ZBTB7C: variants seen among roughly 807,000 people sequenced by gnomAD.
The protein encoded by ZBTB7C is zinc finger and BTB domain-containing protein 7C.
ZBTB7C carries 8 observed loss-of-function variants against 25.7 expected under a neutral mutation model. The observed-to-expected ratio is 0.31, with a 90% confidence interval of 0.18 to 0.56. The LOEUF is 0.56. Ranked by LOEUF, ZBTB7C falls within the 20% of genes least tolerant of loss-of-function variation. The pLI is 0.91. For synonymous variants in ZBTB7C, 394 were observed against 369.0 expected, an observed-to-expected ratio of 1.07 and a Z score of -0.78; for missense variants, 824 against 855.2, an observed-to-expected ratio of 0.96 and a Z score of 0.46.
intron 3 of ZBTB7C, among the ~76,000 whole-genome samples, chr18:48,128,662 C>T (rs557539792): frequency 1.1e-3 from 162 of 151,860 alleles, no homozygotes; most frequent in Non-Finnish European, 1.8e-3. Flanking sequence ...GATGGGTACG[C>T]AAAGGCATAC....
chr18:48,258,207 A>C (rs1016963529), intron 2 of ZBTB7C, among the ~76,000 whole-genome samples: 1 of 152,224 alleles, frequency 6.6e-6, no homozygotes, highest in African/African-American at 2.4e-5. Flanking sequence ...ACTCCTATTC[A>C]ACATTGTCCT....
intron 1 of ZBTB7C, among the ~76,000 whole-genome samples, chr18:48,393,222 GC>G: frequency 6.6e-6 from 1 of 150,492 alleles, no homozygotes; most frequent in East Asian, 2.0e-4. Context: ...GAGTATGGCT[GC>G]CCCCCAATAT....
intron 1 of ZBTB7C, among the ~76,000 whole-genome samples, chr18:48,393,077 C>T (rs576981600): frequency 9.2e-5 from 14 of 152,304 alleles, no homozygotes; most frequent in Non-Finnish European, 1.9e-4. Context: ...ATGCTGATAA[C>T]TATGCTTTTT....
chr18:48,210,631 G>A (rs769423526), intron 2 of ZBTB7C, among the ~76,000 whole-genome samples: 10 of 151,582 alleles, frequency 6.6e-5, no homozygotes, highest in African/African-American at 1.2e-4. Flanking sequence ...GAGACAGAAG[G>A]CAGATTAAGT....
chr18:48,399,015 T>C (rs986172976), intron 1 of ZBTB7C, among the ~76,000 whole-genome samples: 1 of 152,212 alleles, frequency 6.6e-6, no homozygotes, highest in Admixed American at 6.5e-5. Flanking sequence ...AGCAAAAGAC[T>C]GGAAACAACT....
intron 3 of ZBTB7C, among the ~76,000 whole-genome samples, chr18:48,112,471 C>T (rs2039282200): frequency 6.6e-6 from 1 of 152,038 alleles, no homozygotes. Flanking sequence ...CCTCAGCCTC[C>T]TGAGTAGCTG....
chr18:48,275,962 G>A (rs530257935), intron 2 of ZBTB7C, among the ~76,000 whole-genome samples: 27 of 152,216 alleles, frequency 1.8e-4, no homozygotes, highest in African/African-American at 6.5e-4. Flanking sequence ...TGGAAACATC[G>A]AAGGCATGGG....
intron 3 of ZBTB7C, among the ~76,000 whole-genome samples, chr18:48,177,778 C>T (rs1478449434): frequency 6.6e-6 from 1 of 152,180 alleles, no homozygotes; most frequent in Non-Finnish European, 1.5e-5. Flanking sequence ...GGGAGGCCGA[C>T]CACTGCAGAC....
At chr18:48,098,619 G>A (rs939615422) in intron 3 of ZBTB7C, among the ~76,000 whole-genome samples, 1 of 152,096 alleles carries the variant, frequency 6.6e-6, no homozygotes, top group African/African-American at 2.4e-5. Context: ...TGGATTCTCC[G>A]CTCCCATCCG....
intron 2 of ZBTB7C, among the ~76,000 whole-genome samples, chr18:48,230,736 G>T (rs2043228310): frequency 1.3e-5 from 2 of 152,204 alleles, no homozygotes; most frequent in South Asian, 4.1e-4. Context: ...GAGGCCAGCA[G>T]CATGGCGCCA....
rs2144667069 is a variant in ZBTB7C, at chr18:48,287,032, T to C, written c.-79+51142A>G. Among the ~76,000 whole-genome samples, 2 of 151,944 alleles carry C rather than the reference T, an allele frequency of 1.3e-5. 1 individual carries two copies. The highest frequency in any genetic ancestry group is 4.2e-4 in the South Asian group (2 of 4,818). On this transcript the variant is annotated intron_variant, in intron 2 of 4. Transcript: ENST00000590800. ...ACAAACAAACAAAAACAAAAAAAAC[T>C]GACCAGAAGATATAGAGCAGTTTCG... is the stretch of plus-strand genomic sequence containing the variant.
intron 2 of ZBTB7C, among the ~76,000 whole-genome samples, chr18:48,192,286 A>C (rs1215337183): frequency 6.6e-6 from 1 of 152,198 alleles, no homozygotes; most frequent in African/African-American, 2.4e-5. Context: ...TAAAAAGATC[A>C]GTGGTTGCCA....
intron 2 of ZBTB7C, among the ~76,000 whole-genome samples, chr18:48,280,137 C>T (rs1050737539): frequency 3.3e-5 from 5 of 152,164 alleles, no homozygotes; most frequent in African/African-American, 1.2e-4. Context: ...GGCAGGAGCA[C>T]AGCCAAGGAG....
In ZBTB7C at chr18:48,029,801, C is replaced by A; in HGVS notation, c.1319G>T (p.Arg440Leu). 1 of 1,608,806 alleles carries A rather than the reference C, an allele frequency of 6.2e-7. No individual in the cohort carries two copies. Among genetic ancestry groups the A allele is most frequent in the Non-Finnish European group, 8.5e-7 (1 of 1,179,994 alleles). ...GTAGGGCCGCACGCCCGTGTGGATG[C>A]GCATGTGGTTCTTGAGGTCGTAGTT... ...VHNYDLKNHMRIHTGVRPYQC... is the reference protein window; with the variant it reads ...VHNYDLKNHMLIHTGVRPYQC... Residue 440 changes from arginine (R) to leucine (L), a missense_variant, in exon 5 of 5, where the codon CGC becomes CTC. Transcript: ENST00000590800.
chr18:48,266,750 A>AT (rs1450126122), intron 2 of ZBTB7C, among the ~76,000 whole-genome samples: 3 of 152,076 alleles, frequency 2.0e-5, no homozygotes, highest in Admixed American at 2.0e-4. Flanking sequence ...AATACATACA[A>AT]TTTTATTACA....
intron 3 of ZBTB7C, among the ~76,000 whole-genome samples, chr18:48,170,052 T>C (rs1248268337): frequency 6.6e-6 from 1 of 152,146 alleles, no homozygotes; most frequent in South Asian, 2.1e-4. Context: ...ATCTATTCAC[T>C]GAAAGCCACA....
intron 3 of ZBTB7C, among the ~76,000 whole-genome samples, chr18:48,129,449 G>A (rs530302400): frequency 8.6e-5 from 13 of 151,754 alleles, no homozygotes; most frequent in African/African-American, 2.9e-4. Context: ...CTGATCAGTC[G>A]GAGGCAGATC....
intron 3 of ZBTB7C, among the ~76,000 whole-genome samples, chr18:48,167,000 C>T (rs561818922): frequency 6.6e-6 from 1 of 152,296 alleles, no homozygotes; most frequent in South Asian, 2.1e-4. Context: ...AAAGCAGAGC[C>T]TGCTCAGCCC....
chr18:48,378,419 C>G (rs549813279), intron 1 of ZBTB7C, among the ~76,000 whole-genome samples: 1 of 152,298 alleles, frequency 6.6e-6, no homozygotes, highest in African/African-American at 2.4e-5. Flanking sequence ...CATTACCCTC[C>G]AGGCAGAAGG....
Sources: gnomAD v4.1 joint callset for allele counts (sites outside exome capture counted in the v4.1 genomes callset) on GRCh38, gnomAD v4.1.1 for gene constraint, MANE v1.5 for transcripts, NCBI Gene and HGNC (gene_info 2026-07-23, HGNC 2026-07-21) for gene names.